Variants in POT1 observed in about 807,000 individuals in gnomAD.
POT1 encodes the protein protection of telomeres protein 1.
In POT1, 47 loss-of-function variants were observed where a neutral mutation model predicts 78.5. That is an observed-to-expected ratio of 0.60 (90% CI 0.47 to 0.76). The LOEUF (loss-of-function observed/expected upper bound fraction) is 0.76. Ranked by LOEUF, POT1 falls within the 30% of genes least tolerant of loss-of-function variation. POT1 has a pLI of 0.00. For missense variants in POT1, 646 were observed against 749.9 expected (o/e 0.86, Z 1.62); for synonymous variants, 259 against 260.7 (o/e 0.99, Z 0.06).
chr7:124,909,081 C>G (rs1440065870), intron 3 of POT1, among the ~76,000 whole-genome samples: 1 of 151,858 alleles, frequency 6.6e-6, no homozygotes, highest in Non-Finnish European at 1.5e-5. Context: ...CTAACTCTAA[C>G]AGGGATACAG....
intron 9 of POT1, among the ~76,000 whole-genome samples, chr7:124,855,680 T>C (rs1424147114): frequency 1.4e-5 from 2 of 143,702 alleles, no homozygotes; most frequent in African/African-American, 2.6e-5. Context: ...CTAGAAACAC[T>C]AAAAAAAAAA....
chr7:124,864,800 T>C (rs914376131), intron 7 of POT1, among the ~76,000 whole-genome samples: 163 of 152,202 alleles, frequency 1.1e-3, no homozygotes, highest in African/African-American at 3.8e-3. Context: ...ATCTCCACCA[T>C]GTAATATTAT....
At chr7:124,829,872 G>T (rs1166436048) in intron 15 of POT1, among the ~76,000 whole-genome samples, 1 of 152,004 alleles carries the variant, frequency 6.6e-6, no homozygotes, top group Non-Finnish European at 1.5e-5. Flanking sequence ...GGTGATTTTT[G>T]TAATTTTATA....
intron 6 of POT1, among the ~76,000 whole-genome samples, chr7:124,874,718 G>A (rs1157743264): frequency 6.7e-6 from 1 of 150,060 alleles, no homozygotes; most frequent in Non-Finnish European, 1.5e-5. Flanking sequence ...CTGGATGATA[G>A]CGTGAGATCT....
At chr7:124,841,376 T>C (rs571646371) in intron 13 of POT1, among the ~76,000 whole-genome samples, 198 bp from the exon 14 acceptor site, 1 of 152,110 alleles carries the variant, frequency 6.6e-6, no homozygotes, top group East Asian at 1.9e-4. Flanking sequence ...TTATTTGATA[T>C]TTTGTGGGTA....
At chr7:124,880,614 T>C (rs1440167083) in intron 6 of POT1, among the ~76,000 whole-genome samples, 1 of 152,036 alleles carries the variant, frequency 6.6e-6, no homozygotes, top group Non-Finnish European at 1.5e-5. Context: ...TTTCACATTT[T>C]GATTTTTCTA....
intron 16 of POT1, chr7:124,828,974 TTC>T: frequency 1.5e-6 from 1 of 648,708 alleles, no homozygotes. Flanking sequence ...GAATGCCAAA[TTC>T]TGAGAAAAGC....
intron 2 of POT1, among the ~76,000 whole-genome samples, chr7:124,917,049 C>G (rs187180155): frequency 6.6e-6 from 1 of 152,108 alleles, no homozygotes. Flanking sequence ...AAAACACCTT[C>G]TATCCCTGTT....
At chr7:124,913,532 A>C (rs905594351) in intron 3 of POT1, among the ~76,000 whole-genome samples, 1 of 152,168 alleles carries the variant, frequency 6.6e-6, no homozygotes, top group Non-Finnish European at 1.5e-5. Context: ...TTTGTAACAT[A>C]TCTAACAATC....
chr7:124,914,705 T>A (rs990377583), intron 3 of POT1, among the ~76,000 whole-genome samples: 2 of 152,198 alleles, frequency 1.3e-5, no homozygotes, highest in African/African-American at 4.8e-5. Context: ...GACATTGCAT[T>A]AGGCATTATA....
intron 3 of POT1, among the ~76,000 whole-genome samples, chr7:124,903,739 A>T (rs1049082754): frequency 1.3e-5 from 2 of 152,214 alleles, no homozygotes; most frequent in East Asian, 3.9e-4. Flanking sequence ...TCCAGGAGCT[A>T]GTTTTTTGAA....
At chr7:124,913,323 C>T (rs940670889) in intron 3 of POT1, among the ~76,000 whole-genome samples, 1 of 152,046 alleles carries the variant, frequency 6.6e-6, no homozygotes, top group Non-Finnish European at 1.5e-5. Context: ...AATTGAATTG[C>T]TTATCTTTTT....
chr7:124,851,183 C>G (rs1795298271), intron 11 of POT1, among the ~76,000 whole-genome samples: 1 of 152,054 alleles, frequency 6.6e-6, no homozygotes. Context: ...GACTACAAGT[C>G]CTTGCTACTC....
chr7:124,871,618 A>C (rs1173538899), intron 6 of POT1, among the ~76,000 whole-genome samples: 2 of 152,136 alleles, frequency 1.3e-5, no homozygotes, highest in African/African-American at 4.8e-5. Context: ...TTATAACAAA[A>C]GAGAGGTATT....
At chr7:124,915,306 C>T (rs1398957266) in intron 3 of POT1, among the ~76,000 whole-genome samples, 1 of 152,104 alleles carries the variant, frequency 6.6e-6, no homozygotes, top group African/African-American at 2.4e-5. Flanking sequence ...AAAGAATTCT[C>T]CCTGTGTAAG....
At chr7:124,883,331 A>G (rs1004170450) in intron 6 of POT1, among the ~76,000 whole-genome samples, 8 of 151,958 alleles carry the variant, frequency 5.3e-5, no homozygotes, top group African/African-American at 1.9e-4. Context: ...GGGAAAGACT[A>G]AAAAAAAGTT....
chr7:124,846,806 G>A (rs1052727931), intron 12 of POT1, 136 bp downstream of exon 12: 1 of 575,724 alleles, frequency 1.7e-6, no homozygotes, highest in Non-Finnish European at 3.0e-6. Flanking sequence ...GAAGAAGAAA[G>A]TTAAATATGG....
chr7:124,896,833 G>T (rs1232946957), intron 5 of POT1, among the ~76,000 whole-genome samples: 1 of 151,524 alleles, frequency 6.6e-6, no homozygotes, highest in Non-Finnish European at 1.5e-5. Context: ...AATGTAAAAA[G>T]AAATGAATTT....
chr7:124,896,249 C>T (rs1796488289), intron 5 of POT1, among the ~76,000 whole-genome samples: 1 of 151,596 alleles, frequency 6.6e-6, no homozygotes, highest in Non-Finnish European at 1.5e-5. Context: ...ACTTACAATA[C>T]CTAGGCTTTG....
Sources: allele counts gnomAD v4.1 joint callset (sites outside exome capture counted in the v4.1 genomes callset), GRCh38; gene constraint gnomAD v4.1.1; transcripts MANE v1.5; gene names NCBI Gene and HGNC (gene_info 2026-07-23, HGNC 2026-07-21).